The following OBI1 variants were observed in gnomAD, a reference collection of about 807,000 sequenced individuals.
The protein encoded by OBI1 is ORC ubiquitin ligase 1.
OBI1 carries 59 observed loss-of-function variants against 62.4 expected under a neutral mutation model. The observed-to-expected ratio is 0.95, with a 90% CI of 0.77 to 1.17. The LOEUF is 1.17. OBI1 is among the 50% of genes most tolerant of loss of function. The probability of loss-of-function intolerance (pLI) is 0.00; values close to 1 mark genes in which losing one functional copy is unlikely to be tolerated. For missense variants in OBI1, 875 were observed against 830.9 expected (o/e 1.05, Z -0.65); for synonymous variants, 302 against 292.8 (o/e 1.03, Z -0.32).
intron 5 of OBI1, among the ~76,000 whole-genome samples, chr13:78,634,746 G>C (rs1442204755): frequency 1.3e-5 from 2 of 152,174 alleles, no homozygotes; most frequent in African/African-American, 4.8e-5. Flanking sequence ...AGAACTATAT[G>C]AACATTAACT....
rs907536804 is a variant in OBI1 at position 78,643,788 on chromosome 13, C to CA, written c.208+1073dup. Among the ~76,000 whole-genome samples the CA allele has an allele frequency of 4.0e-3, 578 of 143,030 alleles. 2 individuals carry two copies. Among genetic ancestry groups the CA allele is most frequent in the African/African-American group, 9.9e-3 (389 of 39,176 alleles). The allele number at this position is 143,030 out of a possible 152,430, so 93.8% of individuals were successfully genotyped here. ...GGGTAACAAGAGCGAAACTCTGTCT[C>CA]AAAAAAAAAAAATCTTATTTAAGTC... On this transcript the variant is annotated intron_variant, in intron 2 of 5. Coordinates refer to ENST00000282003, the MANE Select transcript of OBI1 (RefSeq NM_024546.4).
intron 1 of OBI1, among the ~76,000 whole-genome samples, chr13:78,653,635 G>A (rs1876611054): frequency 6.6e-6 from 1 of 152,172 alleles, no homozygotes; most frequent in South Asian, 2.1e-4. Context: ...CGATGTGCCT[G>A]AAGGAAGTGA....
Position 78,617,124 on chromosome 13 carries a change from T to C in OBI1, c.639-2A>G, listed in dbSNP as rs370350650. 3 of 1,535,518 alleles carry C rather than the reference T, an allele frequency of 2.0e-6. No individual in the cohort carries two copies. Among genetic ancestry groups the C allele is most frequent in the African/African-American group, 1.4e-5 (1 of 71,878 alleles). ...GCAGCAACTGCAAACCTTCCAAACCTACAAAGAATGGAAAGATAGTTAATC... is the reference window on the plus strand; with the variant it reads ...GCAGCAACTGCAAACCTTCCAAACCCACAAAGAATGGAAAGATAGTTAATC... On this transcript the variant is annotated splice_acceptor_variant, in intron 5 of 5. Transcript: ENST00000282003. LOFTEE classifies it high-confidence loss of function.
At chr13:78,646,845 T>C (rs1310735321) in intron 1 of OBI1, among the ~76,000 whole-genome samples, 1 of 152,188 alleles carries the variant, frequency 6.6e-6, no homozygotes, top group African/African-American at 2.4e-5. Context: ...TGTGTCTATG[T>C]AGAAAAGGAA....
chr13:78,628,833 T>G (rs748225057), intron 5 of OBI1, among the ~76,000 whole-genome samples: 16 of 152,186 alleles, frequency 1.1e-4, no homozygotes, highest in Non-Finnish European at 1.8e-4. Context: ...TGTGGTTAAT[T>G]TGAGGTATAG....
chr13:78,627,309 TA>T (rs60775623), intron 5 of OBI1, among the ~76,000 whole-genome samples: 13,220 of 117,836 alleles, frequency 0.11, 650 homozygotes, highest in South Asian at 0.16. Context: ...TTATTTATTC[TA>T]AAAAAAAAAA....
intron 5 of OBI1, among the ~76,000 whole-genome samples, chr13:78,633,788 C>T (rs767157396): frequency 9.2e-5 from 14 of 152,150 alleles, no homozygotes; most frequent in Non-Finnish European, 1.6e-4. Flanking sequence ...TACTCCATGG[C>T]CGGGCGTGGT....
intron 5 of OBI1, among the ~76,000 whole-genome samples, chr13:78,622,914 G>C (rs571870109): frequency 2.2e-4 from 33 of 152,108 alleles, no homozygotes; most frequent in Non-Finnish European, 4.4e-4. Flanking sequence ...TGTGTTAGGT[G>C]GTGGGGGAGA....
chr13:78,649,578 T>C (rs922077226), intron 1 of OBI1, among the ~76,000 whole-genome samples: 3 of 152,194 alleles, frequency 2.0e-5, no homozygotes, highest in Non-Finnish European at 4.4e-5. Flanking sequence ...GACAATTCTT[T>C]CATGTTTTGC....
In OBI1 at chr13:78,615,806, TG is replaced by T. The variant is rs776653573; in HGVS notation, c.1954del (p.Gln652ArgfsTer5). Reference sequence around the variant, plus strand: ...ATGTGAACTGCTTAACAAAATGCCCTGGGAAAACTCTGTCTGAAACAAGCAG... The same window carrying T: ...ATGTGAACTGCTTAACAAAATGCCCTGGAAAACTCTGTCTGAAACAAGCAG... ...PSCLFQTEFS[Q>X]GILLSSSHRL... is the part of the protein sequence containing the mutation. On this transcript the variant is annotated frameshift_variant, in exon 6 of 6. Coordinates refer to ENST00000282003, the MANE Select transcript of OBI1 (RefSeq NM_024546.4). LOFTEE classifies it high-confidence loss of function. 1 of 1,613,704 alleles carries T rather than the reference TG, an allele frequency of 6.2e-7. No homozygotes were observed. The highest frequency in any genetic ancestry group is 1.3e-5 in the African/African-American group (1 of 74,902).
intron 1 of OBI1, among the ~76,000 whole-genome samples, chr13:78,653,819 C>A (rs886882756): frequency 6.6e-6 from 1 of 152,074 alleles, no homozygotes; most frequent in African/African-American, 2.4e-5. Context: ...CTTTCTTGCA[C>A]CTTGTCAAAA....
intron 5 of OBI1, among the ~76,000 whole-genome samples, chr13:78,627,142 T>A (rs980270819): frequency 6.6e-6 from 1 of 151,804 alleles, no homozygotes; most frequent in South Asian, 2.1e-4. Flanking sequence ...AGAAGATGGA[T>A]TACAGAGGCA....
chr13:78,656,247 C>G (rs187939245), intron 1 of OBI1, among the ~76,000 whole-genome samples: 1 of 152,132 alleles, frequency 6.6e-6, no homozygotes, highest in African/African-American at 2.4e-5. Flanking sequence ...GATGTTATTA[C>G]CATATTTTTA....
rs752989423 is a variant in OBI1 at position 78,617,069 on chromosome 13, C to T, written c.692G>A (p.Arg231His). ...ALQSKVEQYE[R>H]ETNRLKKALE... ...GGCTTTCTTGAGGCGATTGGTTTCA[C>T]GCTCATACTGTTCTACTTTGGACTG... Residue 231 changes from arginine (R) to histidine (H), a missense_variant, in exon 6 of 6, where the codon CGT becomes CAT. Arg to His is a conservative substitution (Grantham distance 29). Coordinates refer to ENST00000282003, the MANE Select transcript of OBI1 (RefSeq NM_024546.4). 55 of 1,607,700 alleles carry T rather than the reference C, an allele frequency of 3.4e-5. No homozygotes were observed. In the South Asian group the frequency reaches 4.3e-4, roughly 13 times the overall value.
chr13:78,621,037 A>G (rs1383918943), intron 5 of OBI1, among the ~76,000 whole-genome samples: 3 of 152,238 alleles, frequency 2.0e-5, no homozygotes, highest in African/African-American at 7.2e-5. Context: ...ACATTGGGGA[A>G]GTCAGTCCAC....
At chr13:78,651,082 T>G (rs1319351229) in intron 1 of OBI1, among the ~76,000 whole-genome samples, 1 of 152,128 alleles carries the variant, frequency 6.6e-6, no homozygotes, top group Non-Finnish European at 1.5e-5. Flanking sequence ...TAAGATACAA[T>G]CAGATTCCAG....
chr13:78,652,029 G>A (rs1876560082), intron 1 of OBI1, among the ~76,000 whole-genome samples: 1 of 152,168 alleles, frequency 6.6e-6, no homozygotes, highest in African/African-American at 2.4e-5. Flanking sequence ...CAGGCCGACT[G>A]CTTGGCTCTG....
intron 5 of OBI1, among the ~76,000 whole-genome samples, chr13:78,618,500 C>T (rs1875399660): frequency 6.6e-6 from 1 of 152,104 alleles, no homozygotes; most frequent in African/African-American, 2.4e-5. Context: ...TCCTAAACCA[C>T]TAGCCCAATT....
At chr13:78,655,574 GCTCT>G (rs1370101342) in intron 1 of OBI1, among the ~76,000 whole-genome samples, 1 of 152,046 alleles carries the variant, frequency 6.6e-6, no homozygotes, top group Admixed American at 6.5e-5. Flanking sequence ...GAATACCTGG[GCTCT>G]CTCTCCTTCC....
Sources: allele counts gnomAD v4.1 joint callset (sites outside exome capture counted in the v4.1 genomes callset), GRCh38; gene constraint gnomAD v4.1.1; transcripts MANE v1.5; gene names NCBI Gene and HGNC (gene_info 2026-07-23, HGNC 2026-07-21).